CCL28: variants seen among roughly 807,000 people sequenced by gnomAD.
CCL28 encodes C-C motif chemokine 28.
A neutral mutation model predicts 7.1 loss-of-function variants in CCL28; 4 were observed. The observed-to-expected ratio is 0.56, with a 90% CI of 0.28 to 1.29. The LOEUF (loss-of-function observed/expected upper bound fraction) is 1.29. CCL28 is among the 50% of genes most tolerant of loss of function. The probability of loss-of-function intolerance (pLI) is 0.11; values close to 1 mark genes in which losing one functional copy is unlikely to be tolerated. For missense variants in CCL28, 151 were observed against 163.4 expected (o/e 0.92, Z 0.41); for synonymous variants, 55 against 57.8 (o/e 0.95, Z 0.22).
rs746961591 is a variant in CCL28, at chr5:43,382,025, A to T, written c.219T>A (p.Cys73Ter). 1 of 1,613,408 alleles carries T rather than the reference A, an allele frequency of 6.2e-7. No homozygotes were observed. Among genetic ancestry groups the T allele is most frequent in the Non-Finnish European group, 8.5e-7 (1 of 1,179,690 alleles). ...TAACAGTATGGTTGTGCGGGCTGAC[A>T]CAGATTCTTCTGCGCTTGACATGAA... is the stretch of plus-strand genomic sequence containing the variant. ...VILHVKRRRI[C>*]VSPHNHTVKQ... is the part of the protein sequence containing the mutation. The change falls in exon 3 of 3, where the codon TGT becomes TGA. Residue 73 changes from cysteine (C) to a stop codon, truncating the protein, a stop_gained. Coordinates refer to ENST00000361115, the MANE Select transcript of CCL28 (RefSeq NM_148672.3). LOFTEE classifies it low-confidence loss of function (END_TRUNC).
chr5:43,398,389 A>C (rs1028026304), intron 1 of CCL28, among the ~76,000 whole-genome samples: 6 of 151,952 alleles, frequency 3.9e-5, no homozygotes, highest in African/African-American at 1.5e-4. Flanking sequence ...ATGCCTACCT[A>C]ATTTCTTTAT....
At position 43,412,304 on chromosome 5, in the gene CCL28, C is replaced by T. The variant is rs1194457064; in HGVS notation, c.13G>A (p.Gly5Arg). 2 of 1,612,682 alleles carry T rather than the reference C, an allele frequency of 1.2e-6. No individual in the cohort carries two copies. The highest frequency in any genetic ancestry group is 1.1e-5 in the South Asian group (1 of 90,714). MQQR[G>R]LAIVALAVCA... Reference sequence around the variant, plus strand: ...ACAGCCAAGGCCACGATGGCGAGTCCTCTCTGCTGCATTCCTGCCTGCCCT... The same window carrying T: ...ACAGCCAAGGCCACGATGGCGAGTCTTCTCTGCTGCATTCCTGCCTGCCCT... The change falls in exon 1 of 3, where the codon GGA (glycine) becomes AGA (arginine). Residue 5 changes from glycine to arginine, a missense_variant. Transcript: ENST00000361115.
In CCL28 at chr5:43,383,306, G is replaced by A. The variant is rs117976840; in HGVS notation, c.192-1254C>T. Among the ~76,000 whole-genome samples the A allele has an allele frequency of 4.0e-4, 61 of 152,104 alleles. No individual in the cohort carries two copies. In the East Asian group the frequency reaches 0.012, roughly 29 times the overall value. ...CTGGCTCTACATATATAGTATTTCCGTATCCAGATAAATTGAAACTTCTGA... is the reference window on the plus strand; with the variant it reads ...CTGGCTCTACATATATAGTATTTCCATATCCAGATAAATTGAAACTTCTGA... On this transcript the variant is annotated intron_variant, in intron 2 of 2. Transcript: ENST00000361115.
the CCL28 span, among the ~76,000 whole-genome samples, chr5:43,364,309 G>T: frequency 1.3e-5 from 2 of 151,740 alleles, no homozygotes; most frequent in African/African-American, 4.8e-5. Flanking sequence ...CTATATATGT[G>T]TGTGTGTGTA....
chr5:43,391,251 G>C (rs759828080), intron 1 of CCL28, among the ~76,000 whole-genome samples: 35 of 152,216 alleles, frequency 2.3e-4, no homozygotes, highest in Non-Finnish European at 4.3e-4. Context: ...AGTAAATATA[G>C]AGGAGACAGT....
At chr5:43,366,516 A>T in the CCL28 span, among the ~76,000 whole-genome samples, 1 of 152,122 alleles carries the variant, frequency 6.6e-6, no homozygotes, top group Non-Finnish European at 1.5e-5. Context: ...CTTCCTCTGG[A>T]AGCTTCATCC....
chr5:43,378,057 A>C (rs1048516488), downstream of CCL28, among the ~76,000 whole-genome samples: 1 of 152,150 alleles, frequency 6.6e-6, no homozygotes, highest in Non-Finnish European at 1.5e-5. Flanking sequence ...TAAAGGATTA[A>C]GAAAGCTAGG....
chr5:43,370,695 C>T, the CCL28 span, among the ~76,000 whole-genome samples: 1 of 151,614 alleles, frequency 6.6e-6, no homozygotes, highest in Admixed American at 6.6e-5. Context: ...CCCATGTCCT[C>T]TGGATGTATT....
chr5:43,391,685 CA>C (rs1561159934), intron 1 of CCL28, among the ~76,000 whole-genome samples: 3 of 152,170 alleles, frequency 2.0e-5, no homozygotes, highest in Admixed American at 6.5e-5. Context: ...AGCAAGGCTA[CA>C]ACAAACATCC....
the CCL28 span, among the ~76,000 whole-genome samples, chr5:43,363,033 C>G: frequency 3.3e-5 from 5 of 152,184 alleles, no homozygotes; most frequent in Admixed American, 1.3e-4. Flanking sequence ...TTTTTCCAGT[C>G]AATTCATTGC....
chr5:43,371,141 A>G, the CCL28 span, among the ~76,000 whole-genome samples: 3 of 152,240 alleles, frequency 2.0e-5, no homozygotes, highest in Admixed American at 1.3e-4. Context: ...AGCCTGATTA[A>G]TTTAGTTGTA....
chr5:43,406,862 G>A (rs188499661), intron 1 of CCL28, among the ~76,000 whole-genome samples: 1,719 of 152,204 alleles, frequency 0.011, 14 homozygotes, highest in Non-Finnish European at 0.012. Flanking sequence ...CAAACAGAGA[G>A]CCAAATCATG....
chr5:43,371,119 C>T, the CCL28 span, among the ~76,000 whole-genome samples: 7 of 152,174 alleles, frequency 4.6e-5, no homozygotes, highest in African/African-American at 1.7e-4. Context: ...TATGGAGGAA[C>T]ATATAAGTTA....
the CCL28 span, among the ~76,000 whole-genome samples, chr5:43,361,882 C>G: frequency 4.7e-4 from 71 of 150,808 alleles, 1 homozygote; most frequent in African/African-American, 1.7e-3. Flanking sequence ...CAGTACTATG[C>G]TGTTTCAGTT....
intron 1 of CCL28, among the ~76,000 whole-genome samples, chr5:43,398,870 A>G (rs1740923065): frequency 6.6e-6 from 1 of 151,948 alleles, no homozygotes; most frequent in African/African-American, 2.4e-5. Flanking sequence ...AAGAGAAATT[A>G]CTTTCTCTGC....
chr5:43,409,278 T>C (rs1462481818), intron 1 of CCL28, among the ~76,000 whole-genome samples: 2 of 151,538 alleles, frequency 1.3e-5, no homozygotes, highest in East Asian at 1.9e-4. Flanking sequence ...ATACAAAAAT[T>C]AGCTGGGTGT....
At chr5:43,386,229 C>T (rs759894170) in intron 2 of CCL28, among the ~76,000 whole-genome samples, 12 of 152,332 alleles carry the variant, frequency 7.9e-5, no homozygotes, top group South Asian at 4.1e-4. Flanking sequence ...TGTCTATCCA[C>T]GCATTGTCTA....
chr5:43,370,930 TG>T, the CCL28 span, among the ~76,000 whole-genome samples: 4 of 151,914 alleles, frequency 2.6e-5, no homozygotes, highest in Non-Finnish European at 1.5e-5. Flanking sequence ...TTAGTAGAGA[TG>T]GGGTTTCACC....
downstream of CCL28, among the ~76,000 whole-genome samples, chr5:43,378,568 G>C (rs1739981079): frequency 6.6e-6 from 1 of 152,150 alleles, no homozygotes; most frequent in African/African-American, 2.4e-5. Flanking sequence ...TATAGTAACA[G>C]TATTTACTCT....
Sources: gnomAD v4.1 joint callset for allele counts (sites outside exome capture counted in the v4.1 genomes callset) on GRCh38, gnomAD v4.1.1 for gene constraint, MANE v1.5 for transcripts, NCBI Gene and HGNC (gene_info 2026-07-23, HGNC 2026-07-21) for gene names.